Variants in CAMK1G observed in about 807,000 individuals in gnomAD.
CAMK1G encodes the protein calcium/calmodulin-dependent protein kinase type 1G.
CAMK1G carries 27 observed loss-of-function variants against 54.8 expected under a neutral mutation model. That is an observed-to-expected ratio of 0.49 (90% confidence interval 0.36 to 0.68). The LOEUF is 0.68. Among genes scored for constraint, CAMK1G ranks in the 30% least tolerant of loss-of-function variants. The pLI, the probability that CAMK1G is intolerant of heterozygous loss-of-function variation, is 0.00. For synonymous variants in CAMK1G, 238 were observed against 224.9 expected (o/e 1.06, Z -0.52); for missense variants, 512 against 591.0 (o/e 0.87, Z 1.39).
intron 4 of CAMK1G, 109 bp from the exon 5 acceptor site, chr1:209,605,427 G>T (rs1222408277): frequency 7.5e-7 from 1 of 1,330,800 alleles, no homozygotes; most frequent in Non-Finnish European, 1.0e-6. Flanking sequence ...GTTCATGGGG[G>T]CCTGCCTGTT....
At chr1:209,599,910 C>A (rs554482673) in intron 2 of CAMK1G, 73 bp from the exon 3 acceptor site, 1 of 1,574,944 alleles carries the variant, frequency 6.3e-7, no homozygotes, top group African/African-American at 1.4e-5. Context: ...TACGTCCTTT[C>A]TGAGGTCTTA....
chr1:209,587,882 T>A (rs556740793), intron 1 of CAMK1G, among the ~76,000 whole-genome samples: 2 of 151,208 alleles, frequency 1.3e-5, no homozygotes, highest in Admixed American at 6.5e-5. Flanking sequence ...TGATTCGGTG[T>A]GCCCCAGCCT....
rs1558140443 is a variant in CAMK1G, at chr1:209,606,371, A to G, written c.487A>G (p.Thr163Ala). Residue 163 changes from threonine to alanine, a missense_variant, in exon 6 of 13, where the codon ACT (threonine) becomes GCT (alanine). This residue lies in a region of CAMK1G where 186 missense variants were observed against 231.5 expected (regional missense o/e 0.80). Coordinates refer to ENST00000361322, the MANE Select transcript of CAMK1G (RefSeq NM_020439.3). ...TGAAGAGAACTCTAAGATCATGATCACTGACTTTGGTCTGTCCAAGATGGA... is the reference window on the plus strand; with the variant it reads ...TGAAGAGAACTCTAAGATCATGATCGCTGACTTTGGTCTGTCCAAGATGGA... Reference protein sequence around the residue: ...TPEENSKIMITDFGLSKMEQN... With the variant: ...TPEENSKIMIADFGLSKMEQN... 6.2e-7 allele frequency: 1 copy of G among 1,614,174 alleles called. No homozygotes were observed. Among genetic ancestry groups the G allele is most frequent in the Non-Finnish European group, 8.5e-7 (1 of 1,179,992 alleles).
At chr1:209,609,178 C>A in intron 8 of CAMK1G, 86 bp downstream of exon 8, 1 of 1,531,882 alleles carries the variant, frequency 6.5e-7, no homozygotes, top group South Asian at 1.2e-5. Context: ...ATGACAGTCC[C>A]GGCTCTTCAA....
chr1:209,587,482 C>A (rs745958409), intron 1 of CAMK1G, among the ~76,000 whole-genome samples: 1 of 152,044 alleles, frequency 6.6e-6, no homozygotes, highest in Non-Finnish European at 1.5e-5. Flanking sequence ...CTTTAATGGT[C>A]CTCAGAGCCT....
chr1:209,591,269 C>CA (rs755568319), intron 1 of CAMK1G, among the ~76,000 whole-genome samples: 16 of 152,158 alleles, frequency 1.1e-4, no homozygotes, highest in Non-Finnish European at 1.8e-4. Flanking sequence ...CCAAGAGGAG[C>CA]AGATCAGCAA....
At position 209,613,538 on chromosome 1, in the gene CAMK1G, C is replaced by T. The variant is rs2206107; in HGVS notation, c.*536C>T. 0.33 allele frequency: 50,662 copies of T among 152,026 alleles called. 8,544 individuals carry two copies. Among genetic ancestry groups the T allele is most frequent in the African/African-American group, 0.36 (14,743 of 41,388 alleles). 9.4% of individuals were successfully genotyped at this position (152,026 alleles called of 1,614,324 possible). On this transcript the variant is annotated 3_prime_UTR_variant, in exon 13 of 13. Transcript: ENST00000361322. ...CCATCTGCATGAATGACAGGCAGCT[C>T]CCCATGGTGGTCTGCCTGTGAGCTC...
At chr1:209,590,505 G>A (rs1428575642) in intron 1 of CAMK1G, among the ~76,000 whole-genome samples, 1 of 152,228 alleles carries the variant, frequency 6.6e-6, no homozygotes, top group Non-Finnish European at 1.5e-5. Flanking sequence ...CCTAGCTTCG[G>A]CTAAGAATAC....
Position 209,613,207 on chromosome 1 carries a change from C to G in CAMK1G, c.*205C>G. On this transcript the variant is annotated 3_prime_UTR_variant, in exon 13 of 13. Transcript: ENST00000361322. ...GGAGGCCCAGGAGGGAGCCCCAAGG[C>G]GTAGAAGCCTTGTTGAAGCTGTGAG... is the stretch of plus-strand genomic sequence containing the variant. 1 of 276,944 alleles carries G rather than the reference C, an allele frequency of 3.6e-6. No individual in the cohort carries two copies. Among genetic ancestry groups the G allele is most frequent in the Non-Finnish European group, 7.2e-6 (1 of 139,458 alleles). The allele number at this position is 276,944 out of a possible 1,614,324, so 17.2% of individuals were successfully genotyped here. A position where few individuals can be genotyped will look rare whatever the true frequency, so the allele number is the denominator to read the frequency against.
At position 209,613,300 on chromosome 1, in the gene CAMK1G, G is replaced by A. The variant is rs930342626; in HGVS notation, c.*298G>A. The stretch of plus-strand genomic sequence containing the variant: ...GCCTGCTCTATGCCCCACACCCTAC[G>A]TGCCGTGGCTCTGTGCAGTGTACGT... On this transcript the variant is annotated 3_prime_UTR_variant, in exon 13 of 13. Coordinates refer to ENST00000361322, the MANE Select transcript of CAMK1G (RefSeq NM_020439.3). The A allele has an allele frequency of 2.4e-5, 5 of 208,102 alleles. No homozygotes were observed. Among genetic ancestry groups the A allele is most frequent in the East Asian group, 2.3e-4 (2 of 8,870 alleles). 12.9% of individuals were successfully genotyped at this position (208,102 alleles called of 1,614,324 possible). A position where few individuals can be genotyped will look rare whatever the true frequency, so the allele number is the denominator to read the frequency against.
At position 209,600,007 on chromosome 1, in the gene CAMK1G, G is replaced by C. The variant is rs753816631; in HGVS notation, c.117G>C (p.Leu39=). The change falls in exon 3 of 13, where the codon CTG becomes CTC. Residue 39 remains leucine (L), a synonymous_variant. Coordinates refer to ENST00000361322, the MANE Select transcript of CAMK1G (RefSeq NM_020439.3). Reference sequence around the variant, plus strand: ...GAGGAGCTTTCTCAGAAGTTTTCCTGGTGAAGCAAAGACTGACTGGGAAGC... The same window carrying C: ...GAGGAGCTTTCTCAGAAGTTTTCCTCGTGAAGCAAAGACTGACTGGGAAGC... ...LGSGAFSEVF[L]VKQRLTGKLF... is the part of the protein sequence containing the mutation. 1.1e-5 allele frequency: 17 copies of C among 1,613,550 alleles called. No individual in the cohort carries two copies. Among genetic ancestry groups the C allele is most frequent in the Non-Finnish European group, 1.4e-5 (17 of 1,179,804 alleles).
chr1:209,595,382 A>G (rs529345867), intron 2 of CAMK1G, among the ~76,000 whole-genome samples: 1 of 152,288 alleles, frequency 6.6e-6, no homozygotes, highest in Non-Finnish European at 1.5e-5. Context: ...AGATTGCGCT[A>G]CTGTATTCCA....
chr1:209,593,841 G>A (rs1665315929), intron 1 of CAMK1G, among the ~76,000 whole-genome samples: 1 of 114,060 alleles, frequency 8.8e-6, no homozygotes, highest in Non-Finnish European at 2.1e-5. Context: ...AATCCTTCAT[G>A]TCTTCCCATC....
intron 9 of CAMK1G, 64 bp downstream of exon 9, chr1:209,609,993 A>C: frequency 7.9e-7 from 1 of 1,268,440 alleles, no homozygotes; most frequent in South Asian, 1.2e-5. Flanking sequence ...ATGCTGACTC[A>C]TTCATATTGC....
At chr1:209,594,017 C>T (rs988940353) in intron 1 of CAMK1G, among the ~76,000 whole-genome samples, 6 of 152,288 alleles carry the variant, frequency 3.9e-5, no homozygotes, top group African/African-American at 1.2e-4. Context: ...CTATTTCCTC[C>T]CTTCCAGCTT....
intron 10 of CAMK1G, 62 bp from the exon 11 acceptor site, chr1:209,611,730 G>A: frequency 1.9e-6 from 3 of 1,573,862 alleles, no homozygotes; most frequent in Non-Finnish European, 1.7e-6. Flanking sequence ...CAAAGGGAAA[G>A]TTTAAGCTCC....
At chr1:209,603,180 A>G (rs373004576) in intron 3 of CAMK1G, 34 bp from the exon 4 acceptor site, 7 of 1,611,576 alleles carry the variant, frequency 4.3e-6, no homozygotes, top group Non-Finnish European at 5.9e-6. Context: ...AACCTGAACC[A>G]CATACCTTTC....
In CAMK1G at chr1:209,606,420, C is replaced by A. The variant is rs1408251332; in HGVS notation, c.536C>A (p.Ala179Asp). The A allele has an allele frequency of 6.2e-7, 1 of 1,613,886 alleles. No homozygotes were observed. The highest frequency in any genetic ancestry group is 8.5e-7 in the Non-Finnish European group (1 of 1,179,912). The change falls in exon 6 of 13, where the codon GCC becomes GAC. Residue 179 changes from alanine (A) to aspartate (D), a missense_variant. Physicochemically the swap from Ala to Asp is moderately radical, Grantham distance 126 (BLOSUM62 -2). Around this residue, in one of 3 missense-constraint regions of CAMK1G, gnomAD observed 186 missense variants for 231.5 expected, o/e 0.80. Coordinates refer to ENST00000361322, the MANE Select transcript of CAMK1G (RefSeq NM_020439.3). ...GAACAGAATGGCATCATGTCCACTG[C>A]CTGTGGGACCCCAGGCTACGTGGGT... ...KMEQNGIMST[A>D]CGTPGYVAPE...
At chr1:209,610,337 T>C (rs1302417140) in intron 9 of CAMK1G, among the ~76,000 whole-genome samples, 2 of 152,228 alleles carry the variant, frequency 1.3e-5, no homozygotes, top group East Asian at 3.8e-4. Flanking sequence ...AGCAACCGAT[T>C]GGCAAAATAG....
Sources: gnomAD v4.1 joint callset for allele counts (sites outside exome capture counted in the v4.1 genomes callset) on GRCh38, gnomAD v4.1.1 for gene constraint, gnomAD v4.1.1 regional missense constraint, MANE v1.5 for transcripts, NCBI Gene and HGNC (gene_info 2026-07-23, HGNC 2026-07-21) for gene names.